PTPN21: variants seen among roughly 807,000 people sequenced by gnomAD.
PTPN21 encodes tyrosine-protein phosphatase non-receptor type 21.
A neutral mutation model predicts 131.8 loss-of-function variants in PTPN21; 77 were observed. The ratio of observed to expected loss-of-function variants is 0.58; its 90% CI spans 0.49 to 0.71. The LOEUF (loss-of-function observed/expected upper bound fraction) is 0.71. Ranked by LOEUF, PTPN21 falls within the 30% of genes least tolerant of loss-of-function variation. The probability of loss-of-function intolerance (pLI) is 0.00; values close to 1 mark genes in which losing one functional copy is unlikely to be tolerated. For missense variants in PTPN21, 1,552 were observed against 1,527.1 expected (o/e 1.02, Z -0.27); for synonymous variants, 715 against 621.3 (o/e 1.15, Z -2.24).
At chr14:88,477,978 T>C (rs1338048780) in intron 13 of PTPN21, among the ~76,000 whole-genome samples, 1 of 152,214 alleles carries the variant, frequency 6.6e-6, no homozygotes, top group Non-Finnish European at 1.5e-5. Context: ...ACATCTACAG[T>C]GTAGATGATA....
intron 12 of PTPN21, 73 bp downstream of exon 12, chr14:88,485,003 A>G (rs2077711584): frequency 4.6e-6 from 6 of 1,312,820 alleles, no homozygotes; most frequent in Middle Eastern, 1.8e-4. Flanking sequence ...TCCAGGCTTC[A>G]TGATCTCCAA....
At chr14:88,545,674 C>G (rs1336621142) in intron 2 of PTPN21, among the ~76,000 whole-genome samples, 1 of 152,162 alleles carries the variant, frequency 6.6e-6, no homozygotes, top group Non-Finnish European at 1.5e-5. Context: ...ATTCATTTTC[C>G]CATTTTTAAA....
chr14:88,486,278 C>T (rs1338601752), intron 10 of PTPN21, among the ~76,000 whole-genome samples: 1 of 152,170 alleles, frequency 6.6e-6, no homozygotes, highest in African/African-American at 2.4e-5. Flanking sequence ...ACTAACCTTC[C>T]TCCCGGGGGA....
At chr14:88,525,447 G>A (rs2078460537) in intron 2 of PTPN21, among the ~76,000 whole-genome samples, 1 of 152,116 alleles carries the variant, frequency 6.6e-6, no homozygotes, top group Non-Finnish European at 1.5e-5. Context: ...TGGCTAACAA[G>A]CACATGAAAA....
Position 88,467,990 on chromosome 14 carries a change from G to A in PTPN21, c.*147C>T. 1 of 1,018,122 alleles carries A rather than the reference G, an allele frequency of 9.8e-7. No individual in the cohort carries two copies. Among genetic ancestry groups the A allele is most frequent in the Non-Finnish European group, 1.5e-6 (1 of 668,350 alleles). 63.1% of individuals were successfully genotyped at this position (1,018,122 alleles called of 1,614,324 possible). On this transcript the variant is annotated 3_prime_UTR_variant, in exon 19 of 19. Transcript: ENST00000556564. ...GCCTGTGCTTCGCACGTTTCCTTCA[G>A]CGTGCCGCCATTCAGACTGCGCCAC...
intron 2 of PTPN21, among the ~76,000 whole-genome samples, chr14:88,517,659 TAC>T (rs2078295259): frequency 2.7e-5 from 4 of 147,998 alleles, no homozygotes; most frequent in African/African-American, 9.9e-5. Context: ...TATGTATATA[TAC>T]ACATACACAC....
intron 10 of PTPN21, among the ~76,000 whole-genome samples, chr14:88,495,315 T>C (rs1030380315): frequency 2.0e-5 from 3 of 151,786 alleles, no homozygotes; most frequent in Non-Finnish European, 4.4e-5. Flanking sequence ...ACTTTCAGAG[T>C]GGTATTGAGG....
intron 2 of PTPN21, among the ~76,000 whole-genome samples, chr14:88,549,183 C>T (rs10134008): frequency 0.24 from 36,093 of 152,078 alleles, 4,454 homozygotes; most frequent in East Asian, 0.32. Flanking sequence ...ACATGCCTAT[C>T]GCGGGAGGAT....
chr14:88,510,556 T>C (rs1353305744), intron 3 of PTPN21, among the ~76,000 whole-genome samples: 1 of 152,196 alleles, frequency 6.6e-6, no homozygotes, highest in Non-Finnish European at 1.5e-5. Context: ...ATATTTCTAG[T>C]ATTTTTATTC....
Position 88,504,458 on chromosome 14 carries a change from G to C in PTPN21, c.554C>G (p.Thr185Ser). 1 of 1,612,632 alleles carries C rather than the reference G, an allele frequency of 6.2e-7. No homozygotes were observed. The highest frequency in any genetic ancestry group is 8.5e-7 in the Non-Finnish European group (1 of 1,178,914). Reference protein sequence around the residue: ...LQDEKVLEEATQKVALLHQKY... With the variant: ...LQDEKVLEEASQKVALLHQKY... ...CTGATGTAGTAAGGCCACTTTTTGGGTTGCTTCTTCCAATACTTTTTCATC... is the reference window on the plus strand; with the variant it reads ...CTGATGTAGTAAGGCCACTTTTTGGCTTGCTTCTTCCAATACTTTTTCATC... The change falls in exon 6 of 19, where the codon ACC (threonine) becomes AGC (serine). Residue 185 changes from threonine to serine, a missense_variant. Transcript: ENST00000556564.
chr14:88,479,718 G>C lies in PTPN21; in HGVS notation c.1713C>G (p.Pro571=), dbSNP rs778912178. 6.6e-7 allele frequency: 1 copy of C among 1,514,456 alleles called. No homozygotes were observed. Among genetic ancestry groups the C allele is most frequent in the Non-Finnish European group, 8.8e-7 (1 of 1,141,428 alleles). 93.8% of individuals were successfully genotyped at this position (1,514,456 alleles called of 1,614,324 possible). ...QVYRPPPPYP[P]PRPANSTPDL... ...CTGGCGTGCTGTTGGCGGGCCTGGGGGGCGGGTAGGGTGGGGGTGGCCGGT... is the reference window on the plus strand; with the variant it reads ...CTGGCGTGCTGTTGGCGGGCCTGGGCGGCGGGTAGGGTGGGGGTGGCCGGT... The change falls in exon 13 of 19, where the codon CCC becomes CCG. Residue 571 remains proline, a synonymous_variant. Transcript: ENST00000556564.
At chr14:88,495,013 CAAAAA>C (rs386382090) in intron 10 of PTPN21, among the ~76,000 whole-genome samples, 677 of 49,118 alleles carry the variant, frequency 0.014, 2 homozygotes, top group Non-Finnish European at 0.018. Context: ...ACTCTGTCTC[CAAAAA>C]AAAAAAAAAA....
At chr14:88,544,897 G>A (rs1036036809) in intron 2 of PTPN21, among the ~76,000 whole-genome samples, 5 of 151,784 alleles carry the variant, frequency 3.3e-5, no homozygotes, top group African/African-American at 1.2e-4. Context: ...GCGCAGTCTC[G>A]GCTCATTGCA....
chr14:88,550,709 C>T, intron 1 of PTPN21, 90 bp from the exon 2 acceptor site: 1 of 285,992 alleles, frequency 3.5e-6, no homozygotes, highest in Non-Finnish European at 6.6e-6. Context: ...GGCCAAAGAA[C>T]AAGCCGTCCC....
chr14:88,469,183 A>G lies in PTPN21; in HGVS notation c.3236-107T>C. The G allele has an allele frequency of 7.8e-7, 1 of 1,284,086 alleles. No individual in the cohort carries two copies. Among genetic ancestry groups the G allele is most frequent in the South Asian group, 1.5e-5 (1 of 66,104 alleles). The allele number at this position is 1,284,086 out of a possible 1,614,324, so 79.5% of individuals were successfully genotyped here. On this transcript the variant is annotated intron_variant, in intron 17 of 18. Transcript: ENST00000556564. The surrounding 1 kb of genome is among the most constrained non-coding windows in gnomAD (Gnocchi z 4.3). ...CTGATTAAGAGGACTGCAGATAAAG[A>G]GCACTGGGTGCCAGTGAACCAAACC...
intron 2 of PTPN21, among the ~76,000 whole-genome samples, chr14:88,523,292 A>ACCC (rs912710340): frequency 2.6e-5 from 4 of 151,994 alleles, no homozygotes; most frequent in African/African-American, 9.7e-5. Context: ...GGTAAAACAT[A>ACCC]CCCCCCAAAA....
At chr14:88,552,899 C>T (rs918011324) in intron 1 of PTPN21, among the ~76,000 whole-genome samples, 3 of 152,132 alleles carry the variant, frequency 2.0e-5, no homozygotes, top group Non-Finnish European at 4.4e-5. Context: ...GCATACTAAA[C>T]ACCCTTTCAT....
At chr14:88,518,283 C>T (rs1204313986) in intron 2 of PTPN21, among the ~76,000 whole-genome samples, 2 of 90,630 alleles carry the variant, frequency 2.2e-5, no homozygotes, top group African/African-American at 4.4e-5. Context: ...TACACACACA[C>T]ATACGCACAC....
chr14:88,503,611 A>G (rs1380948376), intron 6 of PTPN21, among the ~76,000 whole-genome samples: 1 of 152,206 alleles, frequency 6.6e-6, no homozygotes, highest in Non-Finnish European at 1.5e-5. Context: ...TATAAAATAT[A>G]TTACAGGCTT....
Sources: allele counts gnomAD v4.1 joint callset (sites outside exome capture counted in the v4.1 genomes callset), GRCh38; gene constraint gnomAD v4.1.1; non-coding constraint Gnocchi (gnomAD v3.1); transcripts MANE v1.5; gene names NCBI Gene and HGNC (gene_info 2026-07-23, HGNC 2026-07-21).